The following SLC39A14 variants were observed in gnomAD, a reference collection of about 807,000 sequenced individuals.
The protein encoded by SLC39A14 is solute carrier family 39 member 14, also known as metal cation symporter ZIP14.
A neutral mutation model predicts 45.5 loss-of-function variants in SLC39A14; 19 were observed. That is an observed-to-expected ratio of 0.42 (90% CI 0.29 to 0.61). SLC39A14 has a LOEUF of 0.61. Among genes scored for constraint, SLC39A14 ranks in the 20% least tolerant of loss-of-function variants. The pLI is 0.22. For synonymous variants in SLC39A14, 264 were observed against 251.3 expected (o/e 1.05, Z -0.48); for missense variants, 447 against 616.5 (o/e 0.73, Z 2.91).
At chr8:22,419,488 A>G (rs1361358128) in intron 8 of SLC39A14, 64 bp from the exon 9 acceptor site, 1 of 1,492,488 alleles carries the variant, frequency 6.7e-7, no homozygotes, top group South Asian at 1.3e-5. Context: ...CCATCACTGA[A>G]TTGCCCTGGA....
rs746247342 is a variant in SLC39A14, at chr8:22,404,828, G to C, written c.118G>C (p.Ala40Pro). The C allele has an allele frequency of 1.9e-6, 3 of 1,614,068 alleles. No individual in the cohort carries two copies. In the African/African-American group the frequency reaches 4.0e-5, roughly 22 times the overall value. The change falls in exon 2 of 9, where the codon GCT becomes CCT. Residue 40 changes from alanine to proline, a missense_variant. Ala to Pro is a conservative substitution (Grantham distance 27, BLOSUM62 -1). Around this residue, in one of 2 missense-constraint regions of SLC39A14, gnomAD observed 342 missense variants for 428.1 expected, o/e 0.80. Coordinates refer to ENST00000381237, the MANE Select transcript of SLC39A14 (RefSeq NM_001128431.4). Reference protein sequence around the residue: ...ASSLGAPAISAASFLQDLIHR... With the variant: ...ASSLGAPAISPASFLQDLIHR... ...ATCCCTGGGTGCACCAGCTATCAGC[G>C]CTGCCTCCTTCCTGCAGGATCTAAT...
rs757110937 is a variant in SLC39A14 at position 22,417,688 on chromosome 8, C to T, written c.1185C>T (p.Ile395=). ...FVILLNAGMS[I]QQALFFNFLS... ...TCCTGCTCAACGCTGGGATGAGCAT[C>T]CAACAAGCTCTCTTCTTCAACTTCC... Residue 395 remains isoleucine, a synonymous_variant, in exon 8 of 9, where the codon ATC becomes ATT. Coordinates refer to ENST00000381237, the MANE Select transcript of SLC39A14 (RefSeq NM_001128431.4). 6.2e-7 allele frequency: 1 copy of T among 1,614,150 alleles called. No homozygotes were observed. The highest frequency in any genetic ancestry group is 1.1e-5 in the South Asian group (1 of 91,076).
At chr8:22,418,584 G>A (rs1836030276) in intron 8 of SLC39A14, among the ~76,000 whole-genome samples, 1 of 151,664 alleles carries the variant, frequency 6.6e-6, no homozygotes, top group Non-Finnish European at 1.5e-5. Context: ...CTAGCCTGGA[G>A]TGCAGTGTGT....
At chr8:22,432,671 G>A (rs1232932700) in intron 8 of SLC39A14, among the ~76,000 whole-genome samples, 2 of 145,158 alleles carry the variant, frequency 1.4e-5, no homozygotes, top group African/African-American at 5.1e-5. Flanking sequence ...TTTTGAGATG[G>A]AGTCCCGCTC....
chr8:22,409,378 G>GTT (rs773122000), intron 3 of SLC39A14, among the ~76,000 whole-genome samples: 109 of 139,818 alleles, frequency 7.8e-4, no homozygotes, highest in African/African-American at 2.6e-3. Context: ...GGCTTTTTTT[G>GTT]TTTTTTTTGT....
At chr8:22,403,848 G>A (rs1431033349) in intron 1 of SLC39A14, among the ~76,000 whole-genome samples, 1 of 151,982 alleles carries the variant, frequency 6.6e-6, no homozygotes, top group Non-Finnish European at 1.5e-5. Context: ...AACCTGGGAG[G>A]TGGAGGTTGC....
At chr8:22,396,369 AAAAT>A (rs1049998754) in intron 1 of SLC39A14, among the ~76,000 whole-genome samples, 12 of 122,160 alleles carry the variant, frequency 9.8e-5, no homozygotes, top group Admixed American at 4.5e-4. Context: ...TCCATCTTAA[AAAAT>A]AAATAAATAA....
chr8:22,393,539 C>T (rs1021083395), intron 1 of SLC39A14, among the ~76,000 whole-genome samples: 2 of 152,164 alleles, frequency 1.3e-5, no homozygotes, highest in African/African-American at 4.8e-5. Context: ...TTTCTGATTT[C>T]GTAAACTGGG....
downstream of SLC39A14, among the ~76,000 whole-genome samples, chr8:22,424,997 C>T (rs57283399): frequency 0.058 from 8,029 of 138,128 alleles, 592 homozygotes; most frequent in African/African-American, 0.17. Flanking sequence ...CTACTGCACT[C>T]CAACCTGGGC....
chr8:22,377,039 T>C (rs1174224758), intron 1 of SLC39A14, among the ~76,000 whole-genome samples: 1 of 152,212 alleles, frequency 6.6e-6, no homozygotes, highest in Non-Finnish European at 1.5e-5. Context: ...CAATGATGAC[T>C]GTGATGTTTG....
chr8:22,416,592 ATT>A (rs74742507), intron 7 of SLC39A14, among the ~76,000 whole-genome samples: 9 of 139,162 alleles, frequency 6.5e-5, no homozygotes, highest in Non-Finnish European at 4.7e-5. Context: ...ACTCGGCTAA[ATT>A]TTTTTTTTTT....
At chr8:22,370,123 G>A (rs534492780) in intron 1 of SLC39A14, among the ~76,000 whole-genome samples, 1 of 152,300 alleles carries the variant, frequency 6.6e-6, no homozygotes, top group East Asian at 1.9e-4. Context: ...AACAATGCCT[G>A]TGTGTGCCTG....
chr8:22,399,363 C>T (rs1283930919), intron 1 of SLC39A14, among the ~76,000 whole-genome samples: 2 of 152,278 alleles, frequency 1.3e-5, no homozygotes, highest in Non-Finnish European at 2.9e-5. Context: ...GAAGACAAGA[C>T]TCCACTGGAG....
chr8:22,419,492 C>A (rs1274795241), intron 8 of SLC39A14, 60 bp from the exon 9 acceptor site: 5 of 1,519,668 alleles, frequency 3.3e-6, no homozygotes, highest in Non-Finnish European at 4.5e-6. Flanking sequence ...CACTGAATTG[C>A]CCTGGACTTA....
In SLC39A14 at chr8:22,404,140, C is replaced by G. The variant is rs1410337511; in HGVS notation, c.-15-556C>G. 3.3e-5 allele frequency among the ~76,000 whole-genome samples: 5 copies of G among 151,652 alleles called. No homozygotes were observed. In the East Asian group the frequency reaches 9.9e-4, roughly 30 times the overall value. On this transcript the variant is annotated intron_variant, in intron 1 of 8. Transcript: ENST00000381237. ...TAAAACGACTTCTAAAAAATCATAA[C>G]TGGCCGGGTGCAGTGGCTCACGCCT...
At chr8:22,393,710 C>T (rs1834209243) in intron 1 of SLC39A14, among the ~76,000 whole-genome samples, 1 of 152,138 alleles carries the variant, frequency 6.6e-6, no homozygotes, top group Non-Finnish European at 1.5e-5. Context: ...CTTTCTCTGT[C>T]ACCCAGGCTG....
chr8:22,390,133 G>T, intron 1 of SLC39A14: 1 of 169,558 alleles, frequency 5.9e-6, no homozygotes. Flanking sequence ...CGACAGCATG[G>T]TGGGGAACAC....
chr8:22,392,387 G>A (rs930169727), intron 1 of SLC39A14, among the ~76,000 whole-genome samples: 7 of 152,272 alleles, frequency 4.6e-5, no homozygotes, highest in African/African-American at 1.2e-4. Flanking sequence ...AACCCAGGGC[G>A]TGTGGCACGT....
downstream of SLC39A14, among the ~76,000 whole-genome samples, chr8:22,427,353 T>A (rs1201765590): frequency 6.6e-6 from 1 of 152,086 alleles, no homozygotes; most frequent in Non-Finnish European, 1.5e-5. Context: ...TTTAAATGCA[T>A]CAAAATCAAA....
Sources: gnomAD v4.1 joint callset for allele counts (sites outside exome capture counted in the v4.1 genomes callset) on GRCh38, gnomAD v4.1.1 for gene constraint, gnomAD v4.1.1 regional missense constraint, MANE v1.5 for transcripts, NCBI Gene and HGNC (gene_info 2026-07-23, HGNC 2026-07-21) for gene names.